MPPED1: variants seen among roughly 807,000 people sequenced by gnomAD.
MPPED1 encodes the protein metallophosphoesterase domain-containing protein 1.
A neutral mutation model predicts 36.2 loss-of-function variants in MPPED1; 16 were observed. The observed-to-expected ratio is 0.44, with a 90% CI of 0.30 to 0.67. The LOEUF (loss-of-function observed/expected upper bound fraction) is 0.67, where lower values mean the gene tolerates loss of function less well. Ranked by LOEUF, MPPED1 falls within the 30% of genes least tolerant of loss-of-function variation. MPPED1 has a pLI of 0.10. For missense variants in MPPED1, 307 were observed against 453.4 expected, an observed-to-expected ratio of 0.68 and a Z score of 2.93; for synonymous variants, 199 against 191.3, an observed-to-expected ratio of 1.04 and a Z score of -0.33.
At chr22:43,453,828 A>G (rs1331348009) in intron 3 of MPPED1, among the ~76,000 whole-genome samples, 3 of 152,148 alleles carry the variant, frequency 2.0e-5, no homozygotes, top group Admixed American at 2.0e-4. Context: ...GTCTTTTAAA[A>G]GTGTATAGTT....
chr22:43,412,031 C>T lies in MPPED1; in HGVS notation c.-206C>T, dbSNP rs1053310587. On this transcript the variant is annotated 5_prime_UTR_variant, in exon 1 of 7. Coordinates refer to ENST00000443721, the MANE Select transcript of MPPED1 (RefSeq NM_001044370.2). ...TGGCTCCCACTTGCAGCCTCGGACG[C>T]GCGGCGAGGCGGCCGCCGCCGGAGG... 13 of 978,860 alleles carry T rather than the reference C, an allele frequency of 1.3e-5. No individual in the cohort carries two copies. In the African/African-American group the frequency reaches 1.9e-4, roughly 15 times the overall value. 60.6% of individuals were successfully genotyped at this position (978,860 alleles called of 1,614,324 possible).
chr22:43,506,481 C>T lies in MPPED1; in HGVS notation c.*865C>T, dbSNP rs907083266. 2.0e-5 allele frequency: 3 copies of T among 152,334 alleles called. No individual in the cohort carries two copies. Among genetic ancestry groups the T allele is most frequent in the African/African-American group, 4.8e-5 (2 of 41,462 alleles). 9.4% of individuals were successfully genotyped at this position (152,334 alleles called of 1,614,324 possible). On this transcript the variant is annotated 3_prime_UTR_variant, in exon 7 of 7. Transcript: ENST00000443721. ...TGTGAACCCATGTCCAGGCACGCACCGACACACATGCACGCACGCACCCCT... is the reference window on the plus strand; with the variant it reads ...TGTGAACCCATGTCCAGGCACGCACTGACACACATGCACGCACGCACCCCT...
intron 4 of MPPED1, among the ~76,000 whole-genome samples, chr22:43,491,686 T>TAAA (rs1463328252): frequency 4.5e-4 from 63 of 139,138 alleles, no homozygotes; most frequent in African/African-American, 1.3e-3. Flanking sequence ...GTGGTGGTTA[T>TAAA]GGAGGTGGTG....
At chr22:43,495,470 ATGGTGGAGGTGG>A (rs1932248244) in intron 4 of MPPED1, among the ~76,000 whole-genome samples, 3 of 49,960 alleles carry the variant, frequency 6.0e-5, no homozygotes, top group Non-Finnish European at 1.1e-4. Context: ...AGTGCTGGTG[ATGGTGGAGGTGG>A]TGGTGGAGGT....
At chr22:43,425,339 G>A (rs571437378) in intron 2 of MPPED1, 130 bp downstream of exon 2, 75 of 1,404,268 alleles carry the variant, frequency 5.3e-5, no homozygotes, top group Non-Finnish European at 6.5e-5. Flanking sequence ...CAACAATTCT[G>A]GAATTCTAGG....
At chr22:43,463,863 CTTTCTTTCT>C (rs1931062738) in intron 3 of MPPED1, among the ~76,000 whole-genome samples, 1 of 102,554 alleles carries the variant, frequency 9.8e-6, no homozygotes. Flanking sequence ...TTCTTTCTTT[CTTTCTTTCT>C]TTCTCTTTCT....
chr22:43,462,869 TG>T (rs1251366097), intron 3 of MPPED1, among the ~76,000 whole-genome samples: 4 of 152,344 alleles, frequency 2.6e-5, no homozygotes, highest in African/African-American at 9.6e-5. Flanking sequence ...TGGGATCCAA[TG>T]GTTTCCTTTT....
rs1270060711 is a variant in MPPED1 at position 43,417,747 on chromosome 22, AGCCGGCTTTTTCTCTGCATC to A, written c.-79+5593_-79+5612del. On this transcript the variant is annotated intron_variant, in intron 1 of 6. Transcript: ENST00000443721. ...AGTAAGCACTGCCTTTGCTGAGCCA[AGCCGGCTTTTTCTCTGCATC>A]GCCCTGAGCCACCGGCCTGAAGACA... The A allele has an allele frequency of 3.4e-5, 8 of 238,552 alleles. No homozygotes were observed. In the East Asian group the frequency reaches 8.8e-4, roughly 26 times the overall value. 14.8% of individuals were successfully genotyped at this position (238,552 alleles called of 1,614,324 possible).
chr22:43,469,078 A>G (rs1235843920), intron 3 of MPPED1, among the ~76,000 whole-genome samples: 1 of 152,000 alleles, frequency 6.6e-6, no homozygotes, highest in Non-Finnish European at 1.5e-5. Flanking sequence ...TCTGGTCTCC[A>G]AGGTTGGTGC....
At chr22:43,436,560 C>CG (rs1569069081) in intron 3 of MPPED1, among the ~76,000 whole-genome samples, 1 of 152,148 alleles carries the variant, frequency 6.6e-6, no homozygotes, top group African/African-American at 2.4e-5. Context: ...AAGTGCAGGC[C>CG]GGGGGACAGG....
At chr22:43,461,854 C>T (rs1190701445) in intron 3 of MPPED1, among the ~76,000 whole-genome samples, 3 of 152,162 alleles carry the variant, frequency 2.0e-5, no homozygotes, top group Non-Finnish European at 2.9e-5. Flanking sequence ...TTATTAGCCT[C>T]GATTTCTTCA....
At chr22:43,447,858 AT>A (rs1326491738) in intron 3 of MPPED1, among the ~76,000 whole-genome samples, 3 of 39,552 alleles carry the variant, frequency 7.6e-5, no homozygotes, top group African/African-American at 3.1e-4. Flanking sequence ...ATATGTAAAT[AT>A]TATATATATA....
intron 4 of MPPED1, among the ~76,000 whole-genome samples, chr22:43,486,765 C>A (rs1931924475): frequency 1.3e-5 from 2 of 151,824 alleles, no homozygotes; most frequent in African/African-American, 4.8e-5. Flanking sequence ...GGGAGGTGAG[C>A]CTTCCTGGGG....
chr22:43,495,537 A>AGGTGGT (rs1932267815), intron 4 of MPPED1, among the ~76,000 whole-genome samples: 2 of 14,890 alleles, frequency 1.3e-4, no homozygotes, highest in African/African-American at 7.9e-4. Flanking sequence ...GTGGTGGTGG[A>AGGTGGT]GATGGTGGTG....
chr22:43,421,232 C>T (rs966654219), intron 1 of MPPED1, among the ~76,000 whole-genome samples: 4 of 152,242 alleles, frequency 2.6e-5, no homozygotes, highest in Non-Finnish European at 4.4e-5. Flanking sequence ...AGAATGCTCG[C>T]CTCCTCGCAC....
At chr22:43,432,485 A>C (rs919328858) in intron 2 of MPPED1, among the ~76,000 whole-genome samples, 2 of 124,254 alleles carry the variant, frequency 1.6e-5, no homozygotes, top group African/African-American at 6.2e-5. Context: ...GAAAGGGAGG[A>C]GAGAAAGGGA....
intron 4 of MPPED1, among the ~76,000 whole-genome samples, chr22:43,485,245 C>T (rs1291958132): frequency 3.3e-5 from 5 of 152,074 alleles, no homozygotes; most frequent in Admixed American, 2.0e-4. Context: ...CACACTCATA[C>T]ACACATGCAT....
chr22:43,479,068 G>T (rs1001497424), intron 4 of MPPED1, among the ~76,000 whole-genome samples: 3 of 152,104 alleles, frequency 2.0e-5, no homozygotes, highest in Non-Finnish European at 4.4e-5. Context: ...AGTGGGGTGT[G>T]GGGGGGTTGT....
chr22:43,483,054 A>AC (rs1402241071), intron 4 of MPPED1, among the ~76,000 whole-genome samples: 1 of 152,086 alleles, frequency 6.6e-6, no homozygotes, highest in Non-Finnish European at 1.5e-5. Context: ...GAGGTCTGAG[A>AC]CCCCAGCAGG....
Sources: gnomAD v4.1 joint callset for allele counts (sites outside exome capture counted in the v4.1 genomes callset) on GRCh38, gnomAD v4.1.1 for gene constraint, MANE v1.5 for transcripts, NCBI Gene and HGNC (gene_info 2026-07-23, HGNC 2026-07-21) for gene names.